SGCZ: variants seen among roughly 807,000 people sequenced by gnomAD.
SGCZ encodes the protein sarcoglycan zeta, also known as zeta-sarcoglycan.
In SGCZ, 40 loss-of-function variants were observed where a neutral mutation model predicts 41.3. The observed-to-expected ratio is 0.97, with a 90% CI of 0.75 to 1.26. The LOEUF is 1.26. Among genes scored for constraint, SGCZ ranks in the 50% most tolerant of loss-of-function variants. SGCZ has a pLI of 0.00. For synonymous variants in SGCZ, 206 were observed against 137.5 expected, an observed-to-expected ratio of 1.50 and a Z score of -3.49; for missense variants, 552 against 369.8, an observed-to-expected ratio of 1.49 and a Z score of -4.04.
intron 6 of SGCZ, among the ~76,000 whole-genome samples, chr8:14,105,151 G>A (rs1359010246): frequency 6.6e-6 from 1 of 151,708 alleles, no homozygotes; most frequent in Non-Finnish European, 1.5e-5. Flanking sequence ...TAGACTCCTA[G>A]TACAAAACAG....
intron 1 of SGCZ, among the ~76,000 whole-genome samples, chr8:14,637,601 C>G (rs894429143): frequency 6.6e-6 from 1 of 151,806 alleles, no homozygotes; most frequent in South Asian, 2.1e-4. Flanking sequence ...CATTAATTTG[C>G]TTAGGATAAT....
chr8:14,332,928 T>C (rs1283577505), intron 2 of SGCZ, among the ~76,000 whole-genome samples: 1 of 149,994 alleles, frequency 6.7e-6, no homozygotes, highest in Non-Finnish European at 1.5e-5. Flanking sequence ...TATATACATA[T>C]ATATACATAT....
chr8:14,842,702 C>A (rs2130631043), intron 1 of SGCZ, among the ~76,000 whole-genome samples: 1 of 152,088 alleles, frequency 6.6e-6, no homozygotes, highest in Non-Finnish European at 1.5e-5. Context: ...ATGCTTTAAG[C>A]CCTGGAAGTT....
intron 1 of SGCZ, among the ~76,000 whole-genome samples, chr8:15,041,086 A>T (rs1804077521): frequency 6.6e-6 from 1 of 151,950 alleles, no homozygotes; most frequent in Non-Finnish European, 1.5e-5. Context: ...ACTAAAACAT[A>T]TCAAACTATT....
At chr8:14,228,513 T>G (rs1258532925) in intron 4 of SGCZ, among the ~76,000 whole-genome samples, 1 of 152,118 alleles carries the variant, frequency 6.6e-6, no homozygotes, top group South Asian at 2.1e-4. Context: ...TAAACTTATA[T>G]AATTATCAAA....
At chr8:14,958,274 T>TA (rs1800856742) in intron 1 of SGCZ, among the ~76,000 whole-genome samples, 2 of 152,026 alleles carry the variant, frequency 1.3e-5, no homozygotes, top group South Asian at 4.1e-4. Flanking sequence ...TATGTATCCA[T>TA]AAAAAATGCT....
chr8:14,491,373 T>G (rs1801838353), intron 2 of SGCZ, among the ~76,000 whole-genome samples: 1 of 151,738 alleles, frequency 6.6e-6, no homozygotes, highest in Admixed American at 6.6e-5. Flanking sequence ...ATTACTCACT[T>G]CTGTAATTTA....
At chr8:14,840,103 C>G (rs1245094004) in intron 1 of SGCZ, among the ~76,000 whole-genome samples, 1 of 151,884 alleles carries the variant, frequency 6.6e-6, no homozygotes, top group Admixed American at 6.6e-5. Flanking sequence ...AATGAACACA[C>G]CTTAAAGAAA....
At position 14,820,216 on chromosome 8, in the gene SGCZ, C is replaced by A. The variant is rs77435819; in HGVS notation, c.40-265290G>T. 1.4e-3 allele frequency among the ~76,000 whole-genome samples: 213 copies of A among 151,950 alleles called. 2 individuals carry two copies. Among genetic ancestry groups the A allele is most frequent in the Admixed American group, 6.5e-3 (99 of 15,268 alleles). On this transcript the variant is annotated intron_variant, in intron 1 of 7. Coordinates refer to ENST00000382080, the MANE Select transcript of SGCZ (RefSeq NM_139167.4). ...ATTTCAGGCAAATGAAAACCAAAGTCAACATGAATAGCCATACTTATAAAC... is the reference window on the plus strand; with the variant it reads ...ATTTCAGGCAAATGAAAACCAAAGTAAACATGAATAGCCATACTTATAAAC...
chr8:14,656,018 G>C (rs1236195221), intron 1 of SGCZ, among the ~76,000 whole-genome samples: 1 of 152,098 alleles, frequency 6.6e-6, no homozygotes, highest in Non-Finnish European at 1.5e-5. Context: ...AAGCACATCA[G>C]GGTTGCTTCC....
chr8:15,079,565 A>G (rs1441801938), intron 1 of SGCZ, among the ~76,000 whole-genome samples: 6 of 152,240 alleles, frequency 3.9e-5, no homozygotes, highest in Admixed American at 3.9e-4. Context: ...CTCAACTGCA[A>G]TTATTGTCTG....
chr8:14,763,963 T>C (rs553877328), intron 1 of SGCZ, among the ~76,000 whole-genome samples: 3 of 152,294 alleles, frequency 2.0e-5, no homozygotes, highest in Non-Finnish European at 4.4e-5. Flanking sequence ...CAAGTAGTTA[T>C]GGGTACACCT....
intron 1 of SGCZ, among the ~76,000 whole-genome samples, chr8:14,733,862 T>G (rs1383954757): frequency 6.6e-6 from 1 of 152,208 alleles, no homozygotes; most frequent in Non-Finnish European, 1.5e-5. Context: ...TGAAACCACA[T>G]TTGTTAATCG....
At chr8:14,679,089 T>A (rs1808362264) in intron 1 of SGCZ, among the ~76,000 whole-genome samples, 1 of 152,158 alleles carries the variant, frequency 6.6e-6, no homozygotes, top group African/African-American at 2.4e-5. Context: ...TCATAGTGCA[T>A]GGCACATGTG....
intron 4 of SGCZ, among the ~76,000 whole-genome samples, chr8:14,230,843 C>T (rs1017942567): frequency 1.0e-4 from 15 of 150,650 alleles, no homozygotes; most frequent in African/African-American, 3.4e-4. Context: ...TGATATGGTG[C>T]AATTTTGGAA....
intron 1 of SGCZ, among the ~76,000 whole-genome samples, chr8:15,069,621 G>T (rs1053163471): frequency 3.3e-5 from 5 of 152,118 alleles, no homozygotes; most frequent in Non-Finnish European, 7.4e-5. Context: ...TCTGATCATG[G>T]TAGCCTAAAA....
chr8:15,010,280 T>G (rs944517881), intron 1 of SGCZ, among the ~76,000 whole-genome samples: 1 of 152,216 alleles, frequency 6.6e-6, no homozygotes, highest in South Asian at 2.1e-4. Flanking sequence ...TTATGTTTTA[T>G]GTATTGATGA....
At chr8:14,551,464 T>A (rs190271925) in intron 2 of SGCZ, among the ~76,000 whole-genome samples, 199 of 7,308 alleles carry the variant, frequency 0.027, 14 homozygotes, top group Non-Finnish European at 0.031. Flanking sequence ...ATTATATATA[T>A]TATATATATT....
chr8:14,745,498 C>G (rs1325691881), intron 1 of SGCZ, among the ~76,000 whole-genome samples: 1 of 152,072 alleles, frequency 6.6e-6, no homozygotes, highest in Non-Finnish European at 1.5e-5. Context: ...TGGGAGGATG[C>G]TTGAGCCCAG....
Sources: gnomAD v4.1 joint callset for allele counts (sites outside exome capture counted in the v4.1 genomes callset) on GRCh38, gnomAD v4.1.1 for gene constraint, MANE v1.5 for transcripts, NCBI Gene and HGNC (gene_info 2026-07-23, HGNC 2026-07-21) for gene names.